The following CNGB1 variants were observed in gnomAD, a reference collection of about 807,000 sequenced individuals.
CNGB1 encodes the protein cyclic nucleotide gated channel subunit beta 1.
In CNGB1, 126 loss-of-function variants were observed where a neutral mutation model predicts 151.7. That is an observed-to-expected ratio of 0.83 (90% CI 0.72 to 0.96). CNGB1 has a LOEUF of 0.96. CNGB1 is among the 40% of genes least tolerant of loss of function. The pLI, the probability that CNGB1 is intolerant of heterozygous loss-of-function variation, is 0.00. For synonymous variants in CNGB1, 623 were observed against 635.1 expected (o/e 0.98, Z 0.29); for missense variants, 1,698 against 1,627.0 (o/e 1.04, Z -0.75).
intron 25 of CNGB1, among the ~76,000 whole-genome samples, chr16:57,909,394 T>C (rs1330965747): frequency 6.6e-6 from 1 of 152,182 alleles, no homozygotes; most frequent in Non-Finnish European, 1.5e-5. Flanking sequence ...ATTAAAATAA[T>C]TTTCTAAACT....
chr16:57,932,684 C>A lies in CNGB1; in HGVS notation c.1373-806G>T, dbSNP rs187942835. ...AAGCTCCGCCTCCCAGGGTTCATGC[C>A]ATTCTCCTGCCTCAGCCTCCCAATT... On this transcript the variant is annotated intron_variant, in intron 16 of 32. Coordinates refer to ENST00000251102, the MANE Select transcript of CNGB1 (RefSeq NM_001297.5). Among the ~76,000 whole-genome samples the A allele has an allele frequency of 9.5e-4, 144 of 151,742 alleles. 2 individuals are homozygous for A. The East Asian group carries it at 0.017, about 18-fold the overall frequency.
At chr16:57,957,002 G>A (rs1203391704) in intron 12 of CNGB1, among the ~76,000 whole-genome samples, 2 of 152,178 alleles carry the variant, frequency 1.3e-5, no homozygotes, top group Non-Finnish European at 2.9e-5. Context: ...ATTTGCCAGG[G>A]GATGGGGGAA....
At chr16:57,970,660 T>C (rs1195204560) in intron 1 of CNGB1, among the ~76,000 whole-genome samples, 1 of 152,188 alleles carries the variant, frequency 6.6e-6, no homozygotes, top group Non-Finnish European at 1.5e-5. Context: ...CCCATTTTTC[T>C]TTTTCCTCCT....
intron 17 of CNGB1, among the ~76,000 whole-genome samples, chr16:57,926,195 AC>A (rs34021677): frequency 6.6e-6 from 1 of 152,040 alleles, no homozygotes; most frequent in Non-Finnish European, 1.5e-5. Context: ...CTGAGAACAC[AC>A]CCTGGGGCCC....
intron 17 of CNGB1, among the ~76,000 whole-genome samples, chr16:57,928,138 C>G (rs1181354178): frequency 6.6e-6 from 1 of 152,336 alleles, no homozygotes; most frequent in East Asian, 1.9e-4. Flanking sequence ...ACTGTCCTGC[C>G]CTTGGCAGTT....
rs375348116 is a variant in CNGB1, at chr16:57,887,919, C to T, written c.3398G>A (p.Arg1133Gln). ...CGCGGCCAGTTCTTTGAGCCGGGCC[C>T]GGAGGTGAGCAAGTTTGCCGCCTTT... ...GAKGGKLAHLRARLKELAALE... is the reference protein window; with the variant it reads ...GAKGGKLAHLQARLKELAALE... The change falls in exon 32 of 33, where the codon CGG becomes CAG. Residue 1133 changes from arginine (R) to glutamine (Q), a missense_variant. Arg to Gln is a conservative substitution (Grantham distance 43). Transcript: ENST00000251102. 96 of 1,614,194 alleles carry T rather than the reference C, an allele frequency of 5.9e-5. No individual in the cohort carries two copies. The highest frequency in any genetic ancestry group is 3.3e-4 in the Middle Eastern group (2 of 6,062).
In CNGB1 at chr16:57,940,320, C is replaced by CA. The variant is rs754061215; in HGVS notation, c.1122_1123insT (p.Val375CysfsTer5). 6 of 1,578,652 alleles carry CA rather than the reference C, an allele frequency of 3.8e-6. No homozygotes were observed. The highest frequency in any genetic ancestry group is 8.6e-7 in the Non-Finnish European group (1 of 1,162,362). On this transcript the variant is annotated frameshift_variant and splice_region_variant, in exon 15 of 33. Coordinates refer to ENST00000251102, the MANE Select transcript of CNGB1 (RefSeq NM_001297.5). LOFTEE classifies it high-confidence loss of function. Reference sequence around the variant, plus strand: ...GACACCACACAGCTATCCAGCAGCACCCTGTGACCCGGGGCGGGGTGGGGA... The same window carrying CA: ...GACACCACACAGCTATCCAGCAGCACACCTGTGACCCGGGGCGGGGTGGGGA...
intron 14 of CNGB1, 54 bp from the exon 15 acceptor site, chr16:57,940,375 G>C: frequency 6.5e-7 from 1 of 1,527,418 alleles, no homozygotes; most frequent in Non-Finnish European, 8.9e-7. Context: ...GGGTGTTAAA[G>C]GTTTCCCCAG....
At chr16:57,933,269 G>A (rs770540583) in intron 16 of CNGB1, among the ~76,000 whole-genome samples, 1 of 152,176 alleles carries the variant, frequency 6.6e-6, no homozygotes, top group Non-Finnish European at 1.5e-5. Context: ...GACATTTGCA[G>A]GGTCCCTCCA....
At chr16:57,932,992 G>T (rs1279548808) in intron 16 of CNGB1, among the ~76,000 whole-genome samples, 1 of 152,136 alleles carries the variant, frequency 6.6e-6, no homozygotes, top group Non-Finnish European at 1.5e-5. Flanking sequence ...GCAGCTCACT[G>T]CAACCTCTGC....
At chr16:57,897,726 A>G in intron 30 of CNGB1, 70 bp downstream of exon 30, 2 of 1,559,734 alleles carry the variant, frequency 1.3e-6, no homozygotes, top group East Asian at 2.2e-5. Context: ...AGACACTCGC[A>G]CTGCCCGCTG....
chr16:57,964,553 T>C lies in CNGB1; in HGVS notation c.160-9A>G. On this transcript the variant is annotated splice_polypyrimidine_tract_variant and intron_variant, in intron 2 of 32. Coordinates refer to ENST00000251102, the MANE Select transcript of CNGB1 (RefSeq NM_001297.5). ...AATGACTCTTCGGGGGGCTAGAGGG[T>C]TCGAACAGGATCATGTAAGTCCTAG... is the stretch of plus-strand genomic sequence containing the variant. The C allele has an allele frequency of 1.2e-6, 2 of 1,614,016 alleles. No individual in the cohort carries two copies. Among genetic ancestry groups the C allele is most frequent in the Non-Finnish European group, 1.7e-6 (2 of 1,179,994 alleles).
In CNGB1 at chr16:57,883,926, G is replaced by A. The variant is rs1959824695; in HGVS notation, c.*238C>T. ...AGGTAGGGCTCTCAAATGATAGTGA[G>A]AGCTCAGGGACTCGAACACTTGATG... On this transcript the variant is annotated 3_prime_UTR_variant, in exon 33 of 33. Transcript: ENST00000251102. 5.0e-6 allele frequency: 3 copies of A among 601,592 alleles called. No homozygotes were observed. Among genetic ancestry groups the A allele is most frequent in the Non-Finnish European group, 8.9e-6 (3 of 336,374 alleles). The allele number at this position is 601,592 out of a possible 1,614,324, so 37.3% of individuals were successfully genotyped here. A position where few individuals can be genotyped will look rare whatever the true frequency, so the allele number is the denominator to read the frequency against.
intron 24 of CNGB1, 117 bp downstream of exon 24, chr16:57,912,813 G>C (rs1367602874): frequency 9.9e-7 from 1 of 1,009,338 alleles, no homozygotes; most frequent in African/African-American, 1.6e-5. Flanking sequence ...TGTGTGTGTT[G>C]TGTGTGTCGT....
rs537595135 is a variant in CNGB1 at position 57,955,083 on chromosome 16, C to G, written c.874+2258G>C. 2.9e-5 allele frequency: 40 copies of G among 1,371,928 alleles called. No individual in the cohort carries two copies. The South Asian group carries it at 5.9e-4, about 20-fold the overall frequency. The allele number at this position is 1,371,928 out of a possible 1,614,324, so 85.0% of individuals were successfully genotyped here. A position where few individuals can be genotyped will look rare whatever the true frequency, so the allele number is the denominator to read the frequency against. On this transcript the variant is annotated intron_variant, in intron 12 of 32. Transcript: ENST00000251102. Reference sequence around the variant, plus strand: ...TTCCACAGCCCTCTGGGGGTAAGTCCTGCTGTCTAGCCTAAATCTTGCAGG... The same window carrying G: ...TTCCACAGCCCTCTGGGGGTAAGTCGTGCTGTCTAGCCTAAATCTTGCAGG...
chr16:57,897,367 T>A lies in CNGB1; in HGVS notation c.3242+30A>T, dbSNP rs143936383. The stretch of plus-strand genomic sequence containing the variant: ...AGAGAAATTCATTGTCCTTAGCAAT[T>A]TTTTATTAAACGAAAGAAAAGTTAC... On this transcript the variant is annotated intron_variant, in intron 31 of 32. Transcript: ENST00000251102. 2,489 of 1,613,748 alleles carry A rather than the reference T, an allele frequency of 1.5e-3. 23 individuals carry two copies. Among genetic ancestry groups the A allele is most frequent in the East Asian group, 0.011 (512 of 44,876 alleles).
intron 17 of CNGB1, among the ~76,000 whole-genome samples, chr16:57,925,182 T>G (rs1397099962): frequency 6.6e-6 from 1 of 151,758 alleles, no homozygotes; most frequent in Non-Finnish European, 1.5e-5. Context: ...TTTTTTTTTT[T>G]AGTAGAGATG....
chr16:57,901,287 C>T lies in CNGB1; in HGVS notation c.2976+65G>A. The T allele has an allele frequency of 6.6e-6, 10 of 1,508,434 alleles. No homozygotes were observed. In the South Asian group the frequency reaches 1.0e-4, roughly 15 times the overall value. 93.4% of individuals were successfully genotyped at this position (1,508,434 alleles called of 1,614,324 possible). ...TGGGCTGGCAGGCACCCCTCCAGCT[C>T]AGTTCCTTGAAAGCCAGGGGGATGG... is the stretch of plus-strand genomic sequence containing the variant. On this transcript the variant is annotated intron_variant, in intron 29 of 32. Transcript: ENST00000251102.
chr16:57,934,956 CAAA>C (rs35264442), intron 16 of CNGB1, among the ~76,000 whole-genome samples: 8 of 77,876 alleles, frequency 1.0e-4, no homozygotes, highest in Admixed American at 3.4e-4. Context: ...GATTCTGTCT[CAAA>C]AAAAAAAAAA....
Sources: gnomAD v4.1 joint callset for allele counts (sites outside exome capture counted in the v4.1 genomes callset) on GRCh38, gnomAD v4.1.1 for gene constraint, MANE v1.5 for transcripts, NCBI Gene and HGNC (gene_info 2026-07-23, HGNC 2026-07-21) for gene names.